The following HACE1 variants were observed in gnomAD, a reference collection of about 807,000 sequenced individuals.
The protein encoded by HACE1 is HECT domain and ankyrin repeat containing E3 ubiquitin protein ligase 1, also known as E3 ubiquitin-protein ligase HACE1.
In HACE1, 73 loss-of-function variants were observed where a neutral mutation model predicts 118.4. The ratio of observed to expected loss-of-function variants is 0.62; its 90% CI spans 0.51 to 0.75. HACE1 has a LOEUF of 0.75. Among genes scored for constraint, HACE1 ranks in the 30% least tolerant of loss-of-function variants. The probability of loss-of-function intolerance (pLI) is 0.00; values close to 1 mark genes in which losing one functional copy is unlikely to be tolerated. For synonymous variants in HACE1, 368 were observed against 374.8 expected, an observed-to-expected ratio of 0.98 and a Z score of 0.21; for missense variants, 749 against 1,102.2, an observed-to-expected ratio of 0.68 and a Z score of 4.54.
At chr6:104,851,510 A>G (rs1305055717) in intron 2 of HACE1, among the ~76,000 whole-genome samples, 1 of 152,204 alleles carries the variant, frequency 6.6e-6, no homozygotes, top group Non-Finnish European at 1.5e-5. Context: ...CTGGTGCTGA[A>G]GGTTTCCTCA....
chr6:104,841,560 T>C (rs1318162874), intron 5 of HACE1, among the ~76,000 whole-genome samples: 3 of 152,124 alleles, frequency 2.0e-5, no homozygotes, highest in East Asian at 1.9e-4. Flanking sequence ...TTTACAGGAA[T>C]TGTAGATTCC....
At chr6:104,838,474 A>C (rs1308850529) in intron 5 of HACE1, among the ~76,000 whole-genome samples, 1 of 152,158 alleles carries the variant, frequency 6.6e-6, no homozygotes, top group Non-Finnish European at 1.5e-5. Context: ...CCATCTCTTC[A>C]ATAAATGGTG....
chr6:104,752,562 A>G (rs1214122163), intron 19 of HACE1, among the ~76,000 whole-genome samples: 1 of 152,086 alleles, frequency 6.6e-6, no homozygotes, highest in Non-Finnish European at 1.5e-5. Context: ...TTACCATCTT[A>G]AAGTGTGACT....
At chr6:104,767,477 C>A (rs144090261) in intron 19 of HACE1, among the ~76,000 whole-genome samples, 4 of 152,132 alleles carry the variant, frequency 2.6e-5, no homozygotes, top group African/African-American at 9.7e-5. Flanking sequence ...ACTCTAGTAC[C>A]GCCCCATTTC....
Position 104,785,110 on chromosome 6 carries a change from T to G in HACE1, c.1284A>C (p.Pro428=). ...CTTCCTGTCTCCCTGCAAGAGCATC[T>G]GGTTTAGATTCCCTTGTGCCAGTGG... ...NLSTGTRESK[P]DALAGRQEAS... is the part of the protein sequence containing the mutation. Residue 428 remains proline, a synonymous_variant, in exon 12 of 24, where the codon CCA becomes CCC. Transcript: ENST00000262903. 1.2e-6 allele frequency: 2 copies of G among 1,614,016 alleles called. No homozygotes were observed. Among genetic ancestry groups the G allele is most frequent in the Non-Finnish European group, 1.7e-6 (2 of 1,179,926 alleles).
chr6:104,786,617 A>C (rs58851682), intron 11 of HACE1: 18,231 of 148,688 alleles, frequency 0.12, 1,241 homozygotes, highest in East Asian at 0.2. Context: ...AAAAAAAAAA[A>C]AAACAAACAA....
chr6:104,803,026 G>A (rs917123842), intron 7 of HACE1, among the ~76,000 whole-genome samples: 9 of 152,284 alleles, frequency 5.9e-5, no homozygotes, highest in South Asian at 2.1e-4. Flanking sequence ...AAGTGATAAA[G>A]GGGGTATCAC....
chr6:104,781,718 G>A (rs1239761646), intron 14 of HACE1, among the ~76,000 whole-genome samples: 1 of 151,964 alleles, frequency 6.6e-6, no homozygotes, highest in African/African-American at 2.4e-5. Flanking sequence ...CTGATCAGCT[G>A]CAACCACCGC....
In HACE1 at chr6:104,847,126, T is replaced by G. The variant is rs577694050; in HGVS notation, c.326+2016A>C. ...AAAAAACGGTACATGAAAATTCTTT[T>G]CAGCAGACCAAGAACATCCTGCCTT... On this transcript the variant is annotated intron_variant, in intron 4 of 23. Coordinates refer to ENST00000262903, the MANE Select transcript of HACE1 (RefSeq NM_020771.4). Among the ~76,000 whole-genome samples the G allele has an allele frequency of 7.2e-5, 11 of 152,324 alleles. No homozygotes were observed. The East Asian group carries it at 2.1e-3, about 29-fold the overall frequency.
chr6:104,739,609 A>G (rs1169348981), intron 22 of HACE1, among the ~76,000 whole-genome samples: 8 of 152,104 alleles, frequency 5.3e-5, no homozygotes, highest in African/African-American at 1.7e-4. Flanking sequence ...TTCAACAAGA[A>G]GAGCTAACTA....
At position 104,736,478 on chromosome 6, in the gene HACE1, C is replaced by T. The variant is rs1391430643; in HGVS notation, c.2514-6062G>A. Among the ~76,000 whole-genome samples, 4 of 151,888 alleles carry T rather than the reference C, an allele frequency of 2.6e-5. No homozygotes were observed. The South Asian group carries it at 6.2e-4, about 24-fold the overall frequency. On this transcript the variant is annotated intron_variant, in intron 22 of 23. Transcript: ENST00000262903. ...TTTTGTATTTTTGTAGAGACGGTTT[C>T]GCCATGTTGCCCAGGCTGGTCCCAA...
At chr6:104,852,419 G>T in intron 1 of HACE1, 48 bp from the exon 2 acceptor site, 1 of 1,107,302 alleles carries the variant, frequency 9.0e-7, no homozygotes, top group South Asian at 1.3e-5. Context: ...CTTTGTGCAA[G>T]GGGTGATACT....
intron 22 of HACE1, chr6:104,730,930 T>C (rs1370244966): frequency 6.4e-6 from 1 of 156,430 alleles, no homozygotes; most frequent in Admixed American, 6.2e-5. Context: ...ATTTGTTTTG[T>C]TTTTTATAGT....
chr6:104,742,359 T>C (rs1776839874), intron 22 of HACE1, among the ~76,000 whole-genome samples: 1 of 144,524 alleles, frequency 6.9e-6, no homozygotes, highest in Non-Finnish European at 1.5e-5. Flanking sequence ...GAAACTACCA[T>C]CAGAGTGAAC....
intron 22 of HACE1, among the ~76,000 whole-genome samples, chr6:104,735,861 A>G (rs1167424356): frequency 6.6e-6 from 1 of 152,170 alleles, no homozygotes; most frequent in Non-Finnish European, 1.5e-5. Flanking sequence ...AGGAAAATTT[A>G]GCAATAAAGA....
intron 4 of HACE1, among the ~76,000 whole-genome samples, chr6:104,847,840 CAG>C (rs1381254615): frequency 2.0e-5 from 3 of 151,780 alleles, no homozygotes; most frequent in Admixed American, 6.6e-5. Context: ...TGTTTTGAGA[CAG>C]AGTTTCCCTC....
intron 22 of HACE1, among the ~76,000 whole-genome samples, chr6:104,737,886 A>G (rs1776104744): frequency 6.6e-6 from 1 of 152,190 alleles, no homozygotes; most frequent in Non-Finnish European, 1.5e-5. Flanking sequence ...GGCACAGACA[A>G]ACAAAAAGAC....
At chr6:104,775,737 G>A (rs774017617) in intron 17 of HACE1, among the ~76,000 whole-genome samples, 4 of 152,130 alleles carry the variant, frequency 2.6e-5, no homozygotes, top group African/African-American at 7.2e-5. Context: ...GTGTATCCAC[G>A]AAACCCATCA....
chr6:104,772,846 C>A (rs1780792048), intron 17 of HACE1, among the ~76,000 whole-genome samples: 1 of 151,906 alleles, frequency 6.6e-6, no homozygotes, highest in Admixed American at 6.6e-5. Context: ...TTACCTAAGG[C>A]TGAGGAAAGG....
Sources: gnomAD v4.1 joint callset for allele counts (sites outside exome capture counted in the v4.1 genomes callset) on GRCh38, gnomAD v4.1.1 for gene constraint, MANE v1.5 for transcripts, NCBI Gene and HGNC (gene_info 2026-07-23, HGNC 2026-07-21) for gene names.